Variants in CAPN10 observed in about 807,000 individuals in gnomAD.
CAPN10 encodes the protein calpain 10, also known as calpain-10.
Under a neutral mutation model 78.4 loss-of-function variants are expected in CAPN10, and 71 were observed. The observed-to-expected ratio is 0.91, with a 90% CI of 0.75 to 1.10. CAPN10 has a LOEUF of 1.10. Among genes scored for constraint, CAPN10 ranks in the 50% least tolerant of loss-of-function variants. The probability of loss-of-function intolerance (pLI) is 0.00; values close to 1 mark genes in which losing one functional copy is unlikely to be tolerated. For synonymous variants in CAPN10, 437 were observed against 407.2 expected, an observed-to-expected ratio of 1.07 and a Z score of -0.88; for missense variants, 849 against 924.6, an observed-to-expected ratio of 0.92 and a Z score of 1.06.
chr2:240,594,111 G>T, intron 5 of CAPN10, 64 bp downstream of exon 5: 1 of 1,476,390 alleles, frequency 6.8e-7, no homozygotes, highest in Non-Finnish European at 9.0e-7. Flanking sequence ...TCTGGCCTGT[G>T]TCCTGGTCAC....
chr2:240,592,155 G>A lies in CAPN10; in HGVS notation c.688+5G>A. On this transcript the variant is annotated splice_donor_5th_base_variant and intron_variant, in intron 4 of 11. Transcript: ENST00000391984. Reference sequence around the variant, plus strand: ...GCGTGCTCAGCCCCAGAGCAGGTGAGGCACGTGGCCAGCATGGGAGGGCTG... The same window carrying A: ...GCGTGCTCAGCCCCAGAGCAGGTGAAGCACGTGGCCAGCATGGGAGGGCTG... 1 of 1,556,260 alleles carries A rather than the reference G, an allele frequency of 6.4e-7. No individual in the cohort carries two copies. The highest frequency in any genetic ancestry group is 8.7e-7 in the Non-Finnish European group (1 of 1,149,906).
chr2:240,590,792 T>C (rs764243647), intron 2 of CAPN10, 23 bp from the exon 3 acceptor site: 1 of 1,610,500 alleles, frequency 6.2e-7, no homozygotes, highest in Non-Finnish European at 8.5e-7. Flanking sequence ...CGCTCGCCTT[T>C]TGCTTCTCCC....
chr2:240,593,796 T>A (rs2093118047), intron 4 of CAPN10, 110 bp from the exon 5 acceptor site: 1 of 1,309,304 alleles, frequency 7.6e-7, no homozygotes, highest in Admixed American at 2.3e-5. Context: ...GTAGCCATAG[T>A]GGGGTGGGCT....
chr2:240,596,966 GA>G, intron 9 of CAPN10, 24 bp downstream of exon 9: 1 of 1,613,252 alleles, frequency 6.2e-7, no homozygotes, highest in South Asian at 1.1e-5. Flanking sequence ...CCCAGGGAGG[GA>G]GGGGGAGCAG....
intron 2 of CAPN10, 176 bp from the exon 3 acceptor site, chr2:240,590,639 C>G (rs762377714): frequency 1.7e-6 from 1 of 587,848 alleles, no homozygotes; most frequent in Non-Finnish European, 3.0e-6. Context: ...GAGTTCTCTG[C>G]GACATCCAGG....
chr2:240,597,569 G>T (rs1030048043), intron 9 of CAPN10, among the ~76,000 whole-genome samples: 1 of 152,136 alleles, frequency 6.6e-6, no homozygotes, highest in African/African-American at 2.4e-5. Flanking sequence ...CTGGGCCACC[G>T]GCTCAGGTCC....
At chr2:240,594,116 G>C in intron 5 of CAPN10, 69 bp downstream of exon 5, 1 of 1,462,766 alleles carries the variant, frequency 6.8e-7, no homozygotes, top group South Asian at 1.4e-5. Context: ...CCTGTGTCCT[G>C]GTCACCTTCA....
chr2:240,596,204 T>G (rs1416334288), intron 7 of CAPN10, 115 bp from the exon 8 acceptor site: 52 of 1,474,424 alleles, frequency 3.5e-5, no homozygotes, highest in Admixed American at 4.9e-5. Context: ...CTGACAGGCC[T>G]TGGCGCTTTC....
intron 4 of CAPN10, 68 bp from the exon 5 acceptor site, chr2:240,593,838 G>A: frequency 6.6e-7 from 1 of 1,516,198 alleles, no homozygotes. Context: ...GCAGAGGCCT[G>A]TGTGTCCTTG....
chr2:240,589,190 C>T (rs138971676), intron 1 of CAPN10, among the ~76,000 whole-genome samples, 153 bp from the exon 2 acceptor site: 76 of 152,288 alleles, frequency 5.0e-4, no homozygotes, highest in Non-Finnish European at 8.7e-4. Context: ...GAAGGACACC[C>T]GCTGCAGGAA....
rs1460703041 is a variant in CAPN10 at position 240,590,974 on chromosome 2, G to A, written c.433G>A (p.Val145Met). 6.2e-7 allele frequency: 1 copy of A among 1,614,092 alleles called. No homozygotes were observed. The highest frequency in any genetic ancestry group is 1.3e-5 in the African/African-American group (1 of 74,960). Residue 145 changes from valine to methionine, a missense_variant, in exon 3 of 12, where the codon GTG becomes ATG. Transcript: ENST00000391984. ...TTTCTCCCGCTGCCAGAGGGAGGAT[G>A]TGTTCTGGCTCCCCTTACTGGAAAA... ...LCFSRCQRED[V>M]FWLPLLEKVY...
chr2:240,593,793 T>G, intron 4 of CAPN10, 113 bp from the exon 5 acceptor site: 3 of 1,285,058 alleles, frequency 2.3e-6, no homozygotes, highest in Non-Finnish European at 3.2e-6. Flanking sequence ...CGTGTAGCCA[T>G]AGTGGGGTGG....
At chr2:240,597,839 T>TACCCCAAGGCTGGCCC in intron 9 of CAPN10, 49 bp from the exon 10 acceptor site, 4 of 1,512,576 alleles carry the variant, frequency 2.6e-6, no homozygotes, top group Non-Finnish European at 3.6e-6. Flanking sequence ...TGGGCTGGGC[T>TACCCCAAGGCTGGCCC]CCCTACCCCA....
chr2:240,597,558 C>G (rs574193258), intron 9 of CAPN10, among the ~76,000 whole-genome samples: 1 of 152,276 alleles, frequency 6.6e-6, no homozygotes, highest in East Asian at 1.9e-4. Flanking sequence ...CGCTGTTTGC[C>G]CTGGGCCACC....
intron 6 of CAPN10, 47 bp downstream of exon 6, chr2:240,594,756 G>A: frequency 6.3e-7 from 1 of 1,577,208 alleles, no homozygotes; most frequent in African/African-American, 1.3e-5. Flanking sequence ...GCCTGCCGAA[G>A]TGAGGAGGCT....
At chr2:240,598,255 G>T in intron 10 of CAPN10, 97 bp from the exon 11 acceptor site, 7 of 1,493,860 alleles carry the variant, frequency 4.7e-6, no homozygotes, top group Non-Finnish European at 6.5e-6. Flanking sequence ...GCTGGTCTGA[G>T]CCTGGAAGGA....
chr2:240,594,462 C>G lies in CAPN10; in HGVS notation c.831-81C>G, dbSNP rs556070853. 5.5e-6 allele frequency: 8 copies of G among 1,451,528 alleles called. No individual in the cohort carries two copies. The African/African-American group carries it at 9.8e-5, about 18-fold the overall frequency. 89.9% of individuals were successfully genotyped at this position (1,451,528 alleles called of 1,614,324 possible). A position where few individuals can be genotyped will look rare whatever the true frequency, so the allele number is the denominator to read the frequency against. On this transcript the variant is annotated intron_variant, in intron 5 of 11. Coordinates refer to ENST00000391984, the MANE Select transcript of CAPN10 (RefSeq NM_023083.4). ...GAACTCAGGGCTCTCTGGGTCCCCTCCAGGCTTCCCCCCAGCCTGCCGGCA... is the reference window on the plus strand; with the variant it reads ...GAACTCAGGGCTCTCTGGGTCCCCTGCAGGCTTCCCCCCAGCCTGCCGGCA...
At position 240,590,801 on chromosome 2, in the gene CAPN10, C is replaced by T; in HGVS notation, c.274-14C>T. 1.2e-6 allele frequency: 2 copies of T among 1,612,376 alleles called. No individual in the cohort carries two copies. Among genetic ancestry groups the T allele is most frequent in the East Asian group, 2.2e-5 (1 of 44,830 alleles). ...ATATCACGCTCGCCTTTTGCTTCTC[C>T]CTGTGCATGGCAGGTCATTCCTCCG... On this transcript the variant is annotated splice_polypyrimidine_tract_variant and intron_variant, in intron 2 of 11. Transcript: ENST00000391984.
At chr2:240,588,349 C>T (rs546524300) in intron 1 of CAPN10, among the ~76,000 whole-genome samples, 21 of 151,850 alleles carry the variant, frequency 1.4e-4, no homozygotes, top group Non-Finnish European at 2.9e-4. Flanking sequence ...GGGGGAGTAT[C>T]AGTAAAGAAG....
Sources: allele counts gnomAD v4.1 joint callset (sites outside exome capture counted in the v4.1 genomes callset), GRCh38; gene constraint gnomAD v4.1.1; transcripts MANE v1.5; gene names NCBI Gene and HGNC (gene_info 2026-07-23, HGNC 2026-07-21).